PRKN: variants seen among roughly 807,000 people sequenced by gnomAD.
PRKN encodes the protein E3 ubiquitin-protein ligase parkin.
Under a neutral mutation model 59.5 loss-of-function variants are expected in PRKN, and 56 were observed. The observed-to-expected ratio is 0.94, with a 90% CI of 0.76 to 1.18. PRKN has a LOEUF of 1.18. Ranked by LOEUF, PRKN falls within the 50% of genes most tolerant of loss-of-function variation. The probability of loss-of-function intolerance (pLI) is 0.00; values close to 1 mark genes in which losing one functional copy is unlikely to be tolerated. For synonymous variants in PRKN, 250 were observed against 222.1 expected, an observed-to-expected ratio of 1.13 and a Z score of -1.12; for missense variants, 657 against 596.4, an observed-to-expected ratio of 1.10 and a Z score of -1.06.
At chr6:162,020,511 G>A (rs73785322) in intron 5 of PRKN, among the ~76,000 whole-genome samples, 8,179 of 152,142 alleles carry the variant, frequency 0.054, 767 homozygotes, top group African/African-American at 0.19. Flanking sequence ...GGATGTAGCT[G>A]ATAGGCTAAA....
intron 6 of PRKN, among the ~76,000 whole-genome samples, chr6:161,904,877 G>C (rs6455785): frequency 0.27 from 41,689 of 151,978 alleles, 5,874 homozygotes; most frequent in Middle Eastern, 0.35. Flanking sequence ...GGTCTGATGT[G>C]GGGGGAGTCA....
intron 7 of PRKN, among the ~76,000 whole-genome samples, chr6:161,705,665 C>T (rs535697855): frequency 6.6e-6 from 1 of 152,284 alleles, no homozygotes; most frequent in African/African-American, 2.4e-5. Flanking sequence ...AGTTCACTGG[C>T]TGCATTGAAT....
chr6:161,590,466 C>T (rs940152490), intron 7 of PRKN, among the ~76,000 whole-genome samples: 2 of 151,686 alleles, frequency 1.3e-5, no homozygotes, highest in Admixed American at 6.6e-5. Flanking sequence ...GGCGTGGTGG[C>T]GCACGCCTGT....
chr6:161,366,841 G>A (rs1437322174), intron 10 of PRKN, among the ~76,000 whole-genome samples: 2 of 152,064 alleles, frequency 1.3e-5, no homozygotes, highest in Non-Finnish European at 2.9e-5. Flanking sequence ...TTCTGACCCC[G>A]AGGCACCCTT....
chr6:161,673,080 C>A (rs879794183), intron 7 of PRKN, among the ~76,000 whole-genome samples: 3 of 152,116 alleles, frequency 2.0e-5, no homozygotes, highest in Admixed American at 2.0e-4. Flanking sequence ...CATAATCACC[C>A]GTGCAGAACA....
chr6:161,461,253 G>A lies in PRKN; in HGVS notation c.1084-74376C>T, dbSNP rs757450236. Among the ~76,000 whole-genome samples, 18 of 152,274 alleles carry A rather than the reference G, an allele frequency of 1.2e-4. No homozygotes were observed. Among genetic ancestry groups the A allele is most frequent in the South Asian group, 4.1e-4 (2 of 4,824 alleles). The stretch of plus-strand genomic sequence containing the variant: ...GTCTGAAAAGTACTCAGTGAGTTCC[G>A]GACCCGGAAATGGTTCAACATGAGT... On this transcript the variant is annotated intron_variant, in intron 9 of 11. Transcript: ENST00000366898. The surrounding 1 kb of genome is among the most constrained non-coding windows in gnomAD (Gnocchi z 5.1).
At position 161,391,183 on chromosome 6, in the gene PRKN, G is replaced by A. The variant is rs879552909; in HGVS notation, c.1084-4306C>T. ...GAGCTGCATGTCTCATATCTGGGGC[G>A]CCTGGATCCTTCTTTAACCAACCAT... On this transcript the variant is annotated intron_variant, in intron 9 of 11. Transcript: ENST00000366898. The surrounding 1 kb of genome is among the most constrained non-coding windows in gnomAD (Gnocchi z 4.9). 1.4e-4 allele frequency among the ~76,000 whole-genome samples: 22 copies of A among 152,104 alleles called. No homozygotes were observed. The highest frequency in any genetic ancestry group is 4.1e-4 in the South Asian group (2 of 4,830).
intron 9 of PRKN, among the ~76,000 whole-genome samples, chr6:161,455,040 G>A (rs1366382586): frequency 4.7e-5 from 7 of 148,192 alleles, no homozygotes; most frequent in Non-Finnish European, 1.0e-4. Flanking sequence ...AATTTGACAC[G>A]TGTTTTTTTT....
In PRKN at chr6:162,238,482, T is replaced by C. The variant is rs535568357; in HGVS notation, c.412+24043A>G. 1.3e-3 allele frequency among the ~76,000 whole-genome samples: 196 copies of C among 152,290 alleles called. 1 individual carries two copies. The highest frequency in any genetic ancestry group is 4.3e-3 in the African/African-American group (180 of 41,562). On this transcript the variant is annotated intron_variant, in intron 3 of 11. Coordinates refer to ENST00000366898, the MANE Select transcript of PRKN (RefSeq NM_004562.3). ...ATGTTAATAGCTTGTAATGAAGACA[T>C]AAGCTCTAATTCTGATCAAGCCTAG...
chr6:162,549,786 A>C (rs1011957988), intron 1 of PRKN, among the ~76,000 whole-genome samples: 1 of 152,082 alleles, frequency 6.6e-6, no homozygotes, highest in Non-Finnish European at 1.5e-5. Flanking sequence ...CTACAGGCAT[A>C]TGACACCATG....
intron 3 of PRKN, among the ~76,000 whole-genome samples, chr6:162,231,106 G>A (rs1465872936): frequency 6.6e-6 from 1 of 152,028 alleles, no homozygotes; most frequent in African/African-American, 2.4e-5. Context: ...AGATAAATAT[G>A]CCTCCCTCTC....
At chr6:162,428,383 A>G (rs1280186982) in intron 2 of PRKN, among the ~76,000 whole-genome samples, 1 of 152,158 alleles carries the variant, frequency 6.6e-6, no homozygotes, top group African/African-American at 2.4e-5. Context: ...TCAAACACTG[A>G]GGCTCAAATT....
chr6:162,244,704 G>A (rs1263763268), intron 3 of PRKN, among the ~76,000 whole-genome samples: 2 of 152,132 alleles, frequency 1.3e-5, no homozygotes, highest in Non-Finnish European at 2.9e-5. Context: ...GGTTGTTTTT[G>A]CATCAGGGTA....
intron 6 of PRKN, among the ~76,000 whole-genome samples, chr6:161,953,157 G>A (rs948626762): frequency 1.3e-5 from 2 of 152,044 alleles, no homozygotes; most frequent in African/African-American, 4.8e-5. Context: ...TGTTGCCCAC[G>A]CTGGAGTGCA....
chr6:162,192,816 A>G (rs891011040), intron 4 of PRKN, among the ~76,000 whole-genome samples: 1 of 152,110 alleles, frequency 6.6e-6, no homozygotes, highest in Non-Finnish European at 1.5e-5. Flanking sequence ...AACTAGCAGC[A>G]TGGGTCAAGC....
At chr6:161,720,381 T>G (rs1304557466) in intron 7 of PRKN, among the ~76,000 whole-genome samples, 1 of 152,104 alleles carries the variant, frequency 6.6e-6, no homozygotes, top group Non-Finnish European at 1.5e-5. Context: ...AAATCTGAAC[T>G]TATGCATCCT....
intron 4 of PRKN, among the ~76,000 whole-genome samples, chr6:162,096,182 C>A (rs1442140859): frequency 6.6e-6 from 1 of 152,066 alleles, no homozygotes; most frequent in East Asian, 1.9e-4. Context: ...AGATCAGAAC[C>A]CGAGGATTTG....
intron 5 of PRKN, among the ~76,000 whole-genome samples, chr6:162,027,750 T>G (rs1783490044): frequency 6.6e-6 from 1 of 151,978 alleles, no homozygotes; most frequent in Non-Finnish European, 1.5e-5. Flanking sequence ...GGAAGGGGCA[T>G]GCTTATTTCT....
intron 6 of PRKN, among the ~76,000 whole-genome samples, chr6:161,941,603 C>A (rs1315357854): frequency 2.6e-5 from 4 of 152,182 alleles, no homozygotes; most frequent in African/African-American, 9.7e-5. Flanking sequence ...ATTGAGCTAA[C>A]ACAAGCTGTC....
Sources: allele counts gnomAD v4.1 joint callset (sites outside exome capture counted in the v4.1 genomes callset), GRCh38; gene constraint gnomAD v4.1.1; non-coding constraint Gnocchi (gnomAD v3.1); transcripts MANE v1.5; gene names NCBI Gene and HGNC (gene_info 2026-07-23, HGNC 2026-07-21).